The following SUPT5H variants were observed in gnomAD, a reference collection of about 807,000 sequenced individuals.
The protein encoded by SUPT5H is transcription elongation factor SPT5.
A neutral mutation model predicts 142.5 loss-of-function variants in SUPT5H; 24 were observed. That is an observed-to-expected ratio of 0.17 (90% confidence interval 0.12 to 0.24). SUPT5H has a LOEUF of 0.24. SUPT5H is among the 10% of genes least tolerant of loss of function. The probability of loss-of-function intolerance (pLI) is 1.00; values close to 1 mark genes in which losing one functional copy is unlikely to be tolerated. For missense variants in SUPT5H, 893 were observed against 1,471.8 expected (o/e 0.61, Z 6.43); for synonymous variants, 546 against 553.0 (o/e 0.99, Z 0.18).
At chr19:39,448,921 C>G (rs917397835) in intron 2 of SUPT5H, among the ~76,000 whole-genome samples, 2 of 148,544 alleles carry the variant, frequency 1.3e-5, no homozygotes, top group African/African-American at 4.9e-5. Context: ...TGGTGAAACC[C>G]CGTCTCTACT....
At position 39,473,118 on chromosome 19, in the gene SUPT5H, C is replaced by T. The variant is rs377251999; in HGVS notation, c.2258+4C>T. The stretch of plus-strand genomic sequence containing the variant: ...ACCGTCAGCGGCTCACCACGGTGTA[C>T]GGGCGGGGCCTGGGGAGGGCCAGGG... On this transcript the variant is annotated splice_donor_region_variant and intron_variant, in intron 23 of 29. Coordinates refer to ENST00000432763, the MANE Select transcript of SUPT5H (RefSeq NM_001111020.3). The surrounding 1 kb of genome is among the most constrained non-coding windows in gnomAD (Gnocchi z 5.8). 390 of 1,612,732 alleles carry T rather than the reference C, an allele frequency of 2.4e-4. 8 individuals are homozygous for T. In the Middle Eastern group the frequency reaches 0.01, roughly 42 times the overall value.
chr19:39,452,260 T>C (rs151129619), intron 2 of SUPT5H, among the ~76,000 whole-genome samples: 1 of 151,476 alleles, frequency 6.6e-6, no homozygotes, highest in African/African-American at 2.4e-5. Context: ...TGCATGGAGG[T>C]CTTGAGTTCT....
chr19:39,457,771 C>T (rs931093184), intron 4 of SUPT5H, 31 bp downstream of exon 4: 14 of 1,614,038 alleles, frequency 8.7e-6, no homozygotes, highest in African/African-American at 1.3e-5. Flanking sequence ...CACAAGACTA[C>T]TGGGAAGAGG....
At chr19:39,464,219 A>G (rs1348504715) in intron 10 of SUPT5H, among the ~76,000 whole-genome samples, 2 of 152,002 alleles carry the variant, frequency 1.3e-5, no homozygotes, top group Non-Finnish European at 2.9e-5. Flanking sequence ...TCTTGACCCC[A>G]AGTGATCCAC....
chr19:39,456,410 G>T (rs138999557), intron 3 of SUPT5H, among the ~76,000 whole-genome samples: 2,881 of 29,514 alleles, frequency 0.098, 69 homozygotes, highest in African/African-American at 0.38. Flanking sequence ...GTTTTTTTTT[G>T]TTGTTGTTGT....
intron 11 of SUPT5H, among the ~76,000 whole-genome samples, chr19:39,465,730 A>G (rs562815865): frequency 3.9e-5 from 6 of 152,310 alleles, no homozygotes; most frequent in Non-Finnish European, 5.9e-5. Flanking sequence ...AAACCCGGGA[A>G]TAGCCTGGAG....
At chr19:39,460,036 G>C in intron 10 of SUPT5H, 76 bp downstream of exon 10, 1 of 1,493,440 alleles carries the variant, frequency 6.7e-7, no homozygotes, top group Admixed American at 1.7e-5. Flanking sequence ...AACTTCAGGG[G>C]TACCAGGTGC....
intron 13 of SUPT5H, 51 bp from the exon 14 acceptor site, chr19:39,468,705 A>G (rs1298307428): frequency 6.4e-7 from 1 of 1,562,240 alleles, no homozygotes; most frequent in Admixed American, 1.7e-5. Flanking sequence ...GTACAGCAAG[A>G]TTTTCTTCTT....
chr19:39,459,336 AGTCAG>A, intron 8 of SUPT5H, 87 bp downstream of exon 8: 1 of 1,485,088 alleles, frequency 6.7e-7, no homozygotes, highest in Admixed American at 2.0e-5. Context: ...CCCTGAAATA[AGTCAG>A]GGCAGAGTCA....
At position 39,470,433 on chromosome 19, in the gene SUPT5H, T is replaced by C. The variant is rs781291589; in HGVS notation, c.1587T>C (p.Asp529=). Residue 529 remains aspartate (D), a synonymous_variant, in exon 18 of 30, where the codon GAT becomes GAC. Coordinates refer to ENST00000432763, the MANE Select transcript of SUPT5H (RefSeq NM_001111020.3). The surrounding 1 kb of genome is among the most constrained non-coding windows in gnomAD (Gnocchi z 5.8). ...QLCSETASGV[D]VGGQHEWGEL... is the part of the protein sequence containing the mutation. Reference sequence around the variant, plus strand: ...GCTCAGAGACAGCATCAGGTGTGGATGTTGGGGGCCAGCATGAATGGGGCG... The same window carrying C: ...GCTCAGAGACAGCATCAGGTGTGGACGTTGGGGGCCAGCATGAATGGGGCG... 1 of 1,607,440 alleles carries C rather than the reference T, an allele frequency of 6.2e-7. No individual in the cohort carries two copies. Among genetic ancestry groups the C allele is most frequent in the South Asian group, 1.1e-5 (1 of 90,192 alleles).
At chr19:39,452,366 G>C (rs1301781993) in intron 2 of SUPT5H, among the ~76,000 whole-genome samples, 4 of 152,144 alleles carry the variant, frequency 2.6e-5, no homozygotes, top group African/African-American at 9.7e-5. Flanking sequence ...GGGAGAGAGG[G>C]CATGGAGGGA....
At chr19:39,460,876 C>A (rs1399805034) in intron 10 of SUPT5H, among the ~76,000 whole-genome samples, 1 of 152,100 alleles carries the variant, frequency 6.6e-6, no homozygotes, top group Admixed American at 6.6e-5. Flanking sequence ...TTAACATGAT[C>A]CCTGCTAGGG....
chr19:39,474,102 A>G lies in SUPT5H; in HGVS notation c.2632A>G (p.Thr878Ala), dbSNP rs1486379906. ...GGTCAACCCACAATACAACCCGCAG[A>G]CGCCAGGGACGCCGGCCATGTGAGT... ...PQVNPQYNPQ[T>A]PGTPAMYNTD... Residue 878 changes from threonine (T) to alanine (A), a missense_variant, in exon 26 of 30, where the codon ACG becomes GCG. Physicochemically the swap from Thr to Ala is moderately conservative, Grantham distance 58 (BLOSUM62 0). This residue lies in a region of SUPT5H where 336 missense variants were observed against 546.5 expected (regional missense o/e 0.61). Coordinates refer to ENST00000432763, the MANE Select transcript of SUPT5H (RefSeq NM_001111020.3). This position sits in a 1 kb window ranked among gnomAD's most constrained non-coding sequence, Gnocchi z 6.5. The G allele has an allele frequency of 3.8e-6, 6 of 1,598,988 alleles. No homozygotes were observed. The Admixed American group carries it at 8.5e-5, about 23-fold the overall frequency.
intron 13 of SUPT5H, chr19:39,468,113 G>A (rs907712158): frequency 2.6e-5 from 4 of 152,320 alleles, no homozygotes; most frequent in Non-Finnish European, 4.4e-5. Flanking sequence ...CCGGAGACTC[G>A]GAACAGGCAC....
Position 39,469,906 on chromosome 19 carries a change from A to C in SUPT5H, c.1375-213A>C. The C allele has an allele frequency of 1.7e-6, 1 of 586,376 alleles. No homozygotes were observed. Among genetic ancestry groups the C allele is most frequent in the Non-Finnish European group, 2.9e-6 (1 of 339,730 alleles). 36.3% of individuals were successfully genotyped at this position (586,376 alleles called of 1,614,324 possible). On this transcript the variant is annotated intron_variant, in intron 16 of 29. Transcript: ENST00000432763. The surrounding 1 kb of genome is among the most constrained non-coding windows in gnomAD (Gnocchi z 5.1). ...GTGTGTCTTGAGGGCGGGCTGGGGT[A>C]AAGGTTGTCCAGGTTGGTGTCCTGT... is the stretch of plus-strand genomic sequence containing the variant.
At chr19:39,460,950 G>T (rs1000731398) in intron 10 of SUPT5H, among the ~76,000 whole-genome samples, 2 of 152,098 alleles carry the variant, frequency 1.3e-5, no homozygotes, top group Non-Finnish European at 2.9e-5. Context: ...CAGTTGTAGG[G>T]TTTGCAAACT....
In SUPT5H at chr19:39,471,411, A is replaced by C; in HGVS notation, c.1732A>C (p.Lys578Gln). ...VTVRHQAVTR[K>Q]KDNRFAVALD... ...TGTCAGACATCAGGCTGTGACCCGG[A>C]AGAAGGACAACCGCTTTGCTGTGGC... Residue 578 changes from lysine (K) to glutamine (Q), a missense_variant, in exon 19 of 30, where the codon AAG (lysine) becomes CAG (glutamine). Transcript: ENST00000432763. The C allele has an allele frequency of 6.2e-7, 1 of 1,614,230 alleles. No homozygotes were observed. The highest frequency in any genetic ancestry group is 8.5e-7 in the Non-Finnish European group (1 of 1,180,048).
intron 4 of SUPT5H, 84 bp downstream of exon 4, chr19:39,457,824 A>C (rs940052728): frequency 1.3e-6 from 2 of 1,585,098 alleles, no homozygotes; most frequent in Non-Finnish European, 1.7e-6. Context: ...CGACCCCCGC[A>C]TCCCCTGTAC....
rs769022428 is a variant in SUPT5H, at chr19:39,457,755, T to C, written c.307+15T>C. ...TCTAGAGAAAGGTGTGTGTGAGCCC[T>C]GCCTCCACAAGACTACTGGGAAGAG... On this transcript the variant is annotated intron_variant, in intron 4 of 29. Transcript: ENST00000432763. 1 of 1,614,094 alleles carries C rather than the reference T, an allele frequency of 6.2e-7. No individual in the cohort carries two copies. Among genetic ancestry groups the C allele is most frequent in the African/African-American group, 1.3e-5 (1 of 75,018 alleles).
Sources: gnomAD v4.1 joint callset for allele counts (sites outside exome capture counted in the v4.1 genomes callset) on GRCh38, gnomAD v4.1.1 for gene constraint, gnomAD v4.1.1 regional missense constraint, Gnocchi (gnomAD v3.1) non-coding constraint, MANE v1.5 for transcripts, NCBI Gene and HGNC (gene_info 2026-07-23, HGNC 2026-07-21) for gene names.